SDC2: variants seen among roughly 807,000 people sequenced by gnomAD.
SDC2 encodes syndecan-2.
In SDC2, 13 loss-of-function variants were observed where a neutral mutation model predicts 22.2. The ratio of observed to expected loss-of-function variants is 0.59; its 90% confidence interval spans 0.38 to 0.93. The LOEUF (loss-of-function observed/expected upper bound fraction) is 0.93. SDC2 is among the 40% of genes least tolerant of loss of function. SDC2 has a pLI of 0.00. For synonymous variants in SDC2, 94 were observed against 92.8 expected, an observed-to-expected ratio of 1.01 and a Z score of -0.07; for missense variants, 235 against 246.8, an observed-to-expected ratio of 0.95 and a Z score of 0.32.
chr8:96,600,524 G>A (rs1359867427), intron 2 of SDC2, among the ~76,000 whole-genome samples: 1 of 152,188 alleles, frequency 6.6e-6, no homozygotes, highest in Non-Finnish European at 1.5e-5. Flanking sequence ...CACTATGTTA[G>A]GCACTCAGGG....
At chr8:96,500,663 A>G (rs867477623) in intron 1 of SDC2, among the ~76,000 whole-genome samples, 1,737 of 113,092 alleles carry the variant, frequency 0.015, 18 homozygotes, top group African/African-American at 0.049. Flanking sequence ...CTCCATCTCA[A>G]AAAAAAAAAA....
intron 1 of SDC2, among the ~76,000 whole-genome samples, chr8:96,512,296 C>T (rs191818212): frequency 8.8e-4 from 134 of 152,264 alleles, no homozygotes; most frequent in Middle Eastern, 6.8e-3. Flanking sequence ...CAACCAGGAG[C>T]GACTTCTCCT....
At chr8:96,508,295 CAAATAATAA>C (rs1302749359) in intron 1 of SDC2, among the ~76,000 whole-genome samples, 6 of 111,272 alleles carry the variant, frequency 5.4e-5, no homozygotes, top group African/African-American at 2.2e-4. Context: ...GACTCCGTCT[CAAATAATAA>C]TAATAATAAT....
intron 1 of SDC2, among the ~76,000 whole-genome samples, chr8:96,527,606 G>T (rs533957991): frequency 1.2e-4 from 18 of 152,174 alleles, no homozygotes; most frequent in Non-Finnish European, 2.4e-4. Context: ...GTTCAAGGGG[G>T]TCTCATAACC....
chr8:96,500,661 CAAAAAAAA>C (rs56672989), intron 1 of SDC2, among the ~76,000 whole-genome samples: 1 of 73,652 alleles, frequency 1.4e-5, no homozygotes, highest in African/African-American at 5.2e-5. Flanking sequence ...GACTCCATCT[CAAAAAAAA>C]AAAAAAAAAA....
intron 1 of SDC2, among the ~76,000 whole-genome samples, chr8:96,557,666 C>T (rs1814140255): frequency 1.3e-5 from 2 of 152,098 alleles, no homozygotes; most frequent in Middle Eastern, 3.4e-3. Flanking sequence ...GGGAGATATA[C>T]CTAATGGTAG....
chr8:96,557,778 T>TA (rs889745024), intron 1 of SDC2, among the ~76,000 whole-genome samples: 40 of 149,212 alleles, frequency 2.7e-4, no homozygotes, highest in Admixed American at 1.7e-3. Flanking sequence ...AGTATAATAA[T>TA]AAAAAAAAAA....
intron 1 of SDC2, among the ~76,000 whole-genome samples, chr8:96,544,961 G>C (rs568478588): frequency 6.6e-6 from 1 of 152,190 alleles, no homozygotes; most frequent in Non-Finnish European, 1.5e-5. Flanking sequence ...AAATTGCATA[G>C]ATGCTTTTTA....
chr8:96,558,497 C>T (rs1474520341), intron 1 of SDC2, among the ~76,000 whole-genome samples: 4 of 152,122 alleles, frequency 2.6e-5, no homozygotes, highest in Non-Finnish European at 5.9e-5. Flanking sequence ...TTAAGGTTCT[C>T]ATAACTAAAT....
At chr8:96,526,376 T>C (rs1192919705) in intron 1 of SDC2, among the ~76,000 whole-genome samples, 2 of 137,322 alleles carry the variant, frequency 1.5e-5, no homozygotes, top group African/African-American at 5.9e-5. Flanking sequence ...CCAGTTGTTA[T>C]ACGATTGTTT....
intron 1 of SDC2, chr8:96,580,303 C>A: frequency 1.3e-6 from 1 of 794,984 alleles, no homozygotes; most frequent in Non-Finnish European, 1.5e-6. Flanking sequence ...CATTTTTCTA[C>A]AGGCAGAGTG....
intron 1 of SDC2, among the ~76,000 whole-genome samples, chr8:96,584,123 G>A (rs1265909045): frequency 1.3e-5 from 2 of 152,180 alleles, no homozygotes; most frequent in African/African-American, 4.8e-5. Context: ...TCTTTTTACA[G>A]GCCAGCAGCA....
chr8:96,572,777 A>G (rs543204113), intron 1 of SDC2, among the ~76,000 whole-genome samples: 4 of 152,362 alleles, frequency 2.6e-5, no homozygotes, highest in East Asian at 1.9e-4. Context: ...TTCAACTGCT[A>G]TAAGTCATTA....
chr8:96,599,310 A>G (rs1002474145), intron 2 of SDC2, among the ~76,000 whole-genome samples: 5 of 152,018 alleles, frequency 3.3e-5, no homozygotes, highest in Non-Finnish European at 7.4e-5. Context: ...CCTCATACAG[A>G]TTCATCCCAC....
intron 1 of SDC2, among the ~76,000 whole-genome samples, chr8:96,527,114 G>C (rs2130473894): frequency 6.6e-6 from 1 of 152,316 alleles, no homozygotes; most frequent in African/African-American, 2.4e-5. Context: ...CCTATCCATA[G>C]TAGGTGCTTA....
In SDC2 at chr8:96,609,630, T is replaced by A. The variant is rs548787501; in HGVS notation, c.*82T>A. 37 of 1,037,172 alleles carry A rather than the reference T, an allele frequency of 3.6e-5. No individual in the cohort carries two copies. Among genetic ancestry groups the A allele is most frequent in the Non-Finnish European group, 4.9e-5 (37 of 760,460 alleles). The allele number at this position is 1,037,172 out of a possible 1,614,324, so 64.2% of individuals were successfully genotyped here. On this transcript the variant is annotated 3_prime_UTR_variant, in exon 5 of 5. Coordinates refer to ENST00000302190, the MANE Select transcript of SDC2 (RefSeq NM_002998.4). ...TTGCATAGAATAATGAAGATCTTTGTTTTTTGTTTTCATTAAAGAGCCATT... is the reference window on the plus strand; with the variant it reads ...TTGCATAGAATAATGAAGATCTTTGATTTTTGTTTTCATTAAAGAGCCATT...
chr8:96,562,130 T>C (rs1444153476), intron 1 of SDC2, among the ~76,000 whole-genome samples: 1 of 152,222 alleles, frequency 6.6e-6, no homozygotes, highest in East Asian at 1.9e-4. Context: ...GTTTGCCTGT[T>C]ACATGTAGGT....
At chr8:96,579,440 G>T (rs1814555891) in intron 1 of SDC2, among the ~76,000 whole-genome samples, 1 of 152,172 alleles carries the variant, frequency 6.6e-6, no homozygotes, top group Non-Finnish European at 1.5e-5. Flanking sequence ...AGGCAAACTT[G>T]ACAGAATAAT....
At chr8:96,603,274 A>G (rs184477234) in intron 3 of SDC2, among the ~76,000 whole-genome samples, 137 of 152,258 alleles carry the variant, frequency 9.0e-4, no homozygotes, top group African/African-American at 2.5e-3. Flanking sequence ...CCCATTTCCT[A>G]TGGGCCTTGA....
Sources: gnomAD v4.1 joint callset for allele counts (sites outside exome capture counted in the v4.1 genomes callset) on GRCh38, gnomAD v4.1.1 for gene constraint, MANE v1.5 for transcripts, NCBI Gene and HGNC (gene_info 2026-07-23, HGNC 2026-07-21) for gene names.